The following LARGE1 variants were observed in gnomAD, a reference collection of about 807,000 sequenced individuals.
LARGE1 encodes xylosyl- and glucuronyltransferase LARGE1.
Under a neutral mutation model 87.6 loss-of-function variants are expected in LARGE1, and 43 were observed. The observed-to-expected ratio is 0.49, with a 90% CI of 0.38 to 0.63. The LOEUF (loss-of-function observed/expected upper bound fraction) is 0.63, where lower values mean the gene tolerates loss of function less well. Among genes scored for constraint, LARGE1 ranks in the 30% least tolerant of loss-of-function variants. The pLI, the probability that LARGE1 is intolerant of heterozygous loss-of-function variation, is 0.00. For missense variants in LARGE1, 802 were observed against 1,000.2 expected (o/e 0.80, Z 2.67); for synonymous variants, 434 against 394.6 (o/e 1.10, Z -1.18).
chr22:33,150,939 C>G, the LARGE1 span, among the ~76,000 whole-genome samples: 1 of 151,994 alleles, frequency 6.6e-6, no homozygotes, highest in African/African-American at 2.4e-5. Context: ...AGTTCTTTTT[C>G]TTTTCAATAT....
At chr22:33,813,401 C>T (rs2086558836) in intron 1 of LARGE1, among the ~76,000 whole-genome samples, 1 of 152,014 alleles carries the variant, frequency 6.6e-6, no homozygotes, top group Non-Finnish European at 1.5e-5. Context: ...TGCCACAAGA[C>T]CAGAAACAAA....
chr22:33,684,793 C>T (rs2081897119), intron 2 of LARGE1, among the ~76,000 whole-genome samples: 1 of 152,054 alleles, frequency 6.6e-6, no homozygotes, highest in Non-Finnish European at 1.5e-5. Flanking sequence ...TTTTTTCCAT[C>T]AAAAAGGGGG....
At chr22:33,297,051 G>A (rs1449090954) in intron 12 of LARGE1, among the ~76,000 whole-genome samples, 1 of 152,196 alleles carries the variant, frequency 6.6e-6, no homozygotes, top group Non-Finnish European at 1.5e-5. Flanking sequence ...GCAGAGTTAA[G>A]ACAATGAATG....
chr22:33,304,578 G>T, intron 11 of LARGE1, 71 bp from the exon 12 acceptor site: 2 of 1,452,036 alleles, frequency 1.4e-6, no homozygotes, highest in Non-Finnish European at 1.8e-6. Flanking sequence ...CCTGTTGTGG[G>T]GCTCTGCCTC....
chr22:33,252,257 C>G (rs560397522), intron 11 of LARGE1, among the ~76,000 whole-genome samples: 14 of 138,680 alleles, frequency 1.0e-4, no homozygotes, highest in South Asian at 5.2e-4. Flanking sequence ...TCATTCCCCC[C>G]CCCCCCGCCA....
At chr22:33,748,718 C>T (rs2084197370) in intron 2 of LARGE1, among the ~76,000 whole-genome samples, 1 of 152,206 alleles carries the variant, frequency 6.6e-6, no homozygotes, top group Non-Finnish European at 1.5e-5. Flanking sequence ...TGGCCCTTTC[C>T]TCTTTGTTCT....
chr22:33,538,207 C>A (rs911926503), intron 6 of LARGE1, among the ~76,000 whole-genome samples: 1 of 152,240 alleles, frequency 6.6e-6, no homozygotes, highest in Non-Finnish European at 1.5e-5. Flanking sequence ...TGCTTCCCCT[C>A]AACCTCACCT....
At chr22:33,735,997 T>C (rs2083642195) in intron 2 of LARGE1, among the ~76,000 whole-genome samples, 1 of 152,254 alleles carries the variant, frequency 6.6e-6, no homozygotes, top group South Asian at 2.1e-4. Flanking sequence ...TGAATAACAT[T>C]CCATTGTATG....
chr22:33,404,404 G>A (rs937553262), intron 7 of LARGE1, among the ~76,000 whole-genome samples: 6 of 152,182 alleles, frequency 3.9e-5, no homozygotes, highest in African/African-American at 1.4e-4. Flanking sequence ...TATAACCAGT[G>A]CTCAATAAAT....
At chr22:33,398,803 G>A (rs1035711040) in intron 7 of LARGE1, among the ~76,000 whole-genome samples, 5 of 152,088 alleles carry the variant, frequency 3.3e-5, no homozygotes, top group Non-Finnish European at 7.4e-5. Context: ...GAAGAGGGCC[G>A]ACAGAGGCAG....
At chr22:33,474,077 G>A (rs2068970756) in intron 6 of LARGE1, among the ~76,000 whole-genome samples, 2 of 152,104 alleles carry the variant, frequency 1.3e-5, no homozygotes, top group Admixed American at 6.5e-5. Context: ...GAACTTCAAG[G>A]TTACTAAATC....
chr22:33,698,668 T>C (rs138475578), intron 2 of LARGE1, among the ~76,000 whole-genome samples: 1 of 152,318 alleles, frequency 6.6e-6, no homozygotes, highest in Admixed American at 6.5e-5. Context: ...ACATCCCAGG[T>C]AGGGCCATTT....
At chr22:33,547,926 A>C (rs2077408769) in intron 6 of LARGE1, among the ~76,000 whole-genome samples, 1 of 152,014 alleles carries the variant, frequency 6.6e-6, no homozygotes. Flanking sequence ...TGTAATCTAA[A>C]ACTGTTGCCA....
chr22:33,542,635 A>G (rs2077245380), intron 6 of LARGE1, among the ~76,000 whole-genome samples: 1 of 150,788 alleles, frequency 6.6e-6, no homozygotes, highest in South Asian at 2.1e-4. Context: ...CTGGAAGATA[A>G]ATGTAGGGTA....
At chr22:33,751,879 T>C (rs559858061) in intron 2 of LARGE1, among the ~76,000 whole-genome samples, 13 of 152,190 alleles carry the variant, frequency 8.5e-5, no homozygotes, top group Admixed American at 6.5e-4. Context: ...GCGATCCTCC[T>C]ACCTCAGCCT....
chr22:33,512,211 T>C (rs1195139576), intron 6 of LARGE1, among the ~76,000 whole-genome samples: 1 of 152,218 alleles, frequency 6.6e-6, no homozygotes, highest in African/African-American at 2.4e-5. Context: ...GGAATCATAC[T>C]ATGCTAATTT....
At chr22:33,855,737 G>A (rs1342200856) in intron 1 of LARGE1, among the ~76,000 whole-genome samples, 1 of 152,084 alleles carries the variant, frequency 6.6e-6, no homozygotes, top group Non-Finnish European at 1.5e-5. Flanking sequence ...CAGAGTGGGG[G>A]GGTTCCTTAC....
chr22:33,914,425 A>G (rs1009224652), intron 1 of LARGE1, among the ~76,000 whole-genome samples: 2 of 152,166 alleles, frequency 1.3e-5, no homozygotes, highest in South Asian at 4.1e-4. Flanking sequence ...GCTTTTATTT[A>G]CTTAATTATG....
intron 1 of LARGE1, among the ~76,000 whole-genome samples, chr22:33,802,063 A>C (rs1040506370): frequency 6.6e-6 from 1 of 151,880 alleles, no homozygotes; most frequent in Non-Finnish European, 1.5e-5. Context: ...GTTAACAATC[A>C]CATGTGCAAA....
Sources: gnomAD v4.1 joint callset for allele counts (sites outside exome capture counted in the v4.1 genomes callset) on GRCh38, gnomAD v4.1.1 for gene constraint, MANE v1.5 for transcripts, NCBI Gene and HGNC (gene_info 2026-07-23, HGNC 2026-07-21) for gene names.